Variants in TMEM266 observed in about 807,000 individuals in gnomAD.
TMEM266 encodes Hv1 related protein 1.
TMEM266 carries 33 observed loss-of-function variants against 50.5 expected under a neutral mutation model. That is an observed-to-expected ratio of 0.65 (90% CI 0.50 to 0.87). The LOEUF is 0.87. Among genes scored for constraint, TMEM266 ranks in the 40% least tolerant of loss-of-function variants. The pLI is 0.00. For missense variants in TMEM266, 655 were observed against 695.1 expected (o/e 0.94, Z 0.65); for synonymous variants, 310 against 292.3 (o/e 1.06, Z -0.62).
chr15:76,202,442 A>C (rs2038763471), intron 10 of TMEM266, among the ~76,000 whole-genome samples, 178 bp downstream of exon 10: 1 of 152,178 alleles, frequency 6.6e-6, no homozygotes, highest in Non-Finnish European at 1.5e-5. Flanking sequence ...CCAGCACTGG[A>C]GCTGGGGGTC....
chr15:76,197,724 C>T (rs890278918), intron 9 of TMEM266, among the ~76,000 whole-genome samples: 2 of 152,182 alleles, frequency 1.3e-5, no homozygotes, highest in South Asian at 4.1e-4. Context: ...AGAGCCTTGC[C>T]CTGGGCTTTG....
chr15:76,177,853 G>A (rs866879812), intron 8 of TMEM266, among the ~76,000 whole-genome samples: 5 of 152,374 alleles, frequency 3.3e-5, no homozygotes, highest in Middle Eastern at 3.4e-3. Flanking sequence ...GTGACTCAGG[G>A]GGTTTGGCAG....
At chr15:76,088,981 C>A (rs2036811621) in intron 1 of TMEM266, among the ~76,000 whole-genome samples, 1 of 147,358 alleles carries the variant, frequency 6.8e-6, no homozygotes, top group Non-Finnish European at 1.5e-5. Context: ...GTTACTCCAG[C>A]TATTCAGGTA....
At chr15:76,171,764 T>C (rs1339364735) in intron 7 of TMEM266, among the ~76,000 whole-genome samples, 1 of 152,196 alleles carries the variant, frequency 6.6e-6, no homozygotes, top group African/African-American at 2.4e-5. Flanking sequence ...TGTCATTGCT[T>C]TATCATTGCC....
intron 8 of TMEM266, among the ~76,000 whole-genome samples, chr15:76,179,976 A>G (rs2038373483): frequency 6.6e-6 from 1 of 152,004 alleles, no homozygotes; most frequent in Non-Finnish European, 1.5e-5. Context: ...ACAAAACAAA[A>G]CAAAACGCTT....
At chr15:76,193,171 T>A (rs2038607587) in intron 9 of TMEM266, among the ~76,000 whole-genome samples, 1 of 152,210 alleles carries the variant, frequency 6.6e-6, no homozygotes, top group African/African-American at 2.4e-5. Flanking sequence ...AACCGATGGG[T>A]GTGAGAAAGC....
chr15:76,074,266 T>C (rs1394345688), intron 1 of TMEM266, among the ~76,000 whole-genome samples: 1 of 152,126 alleles, frequency 6.6e-6, no homozygotes, highest in African/African-American at 2.4e-5. Flanking sequence ...TCATTTTTAA[T>C]TGTGGTAAAA....
intron 7 of TMEM266, among the ~76,000 whole-genome samples, chr15:76,172,733 A>G (rs770813284): frequency 1.3e-5 from 2 of 152,214 alleles, no homozygotes; most frequent in Non-Finnish European, 2.9e-5. Context: ...GATGAGGGTC[A>G]CATAGTGAAT....
chr15:76,188,094 G>A (rs965008654), intron 8 of TMEM266, among the ~76,000 whole-genome samples: 2 of 140,476 alleles, frequency 1.4e-5, no homozygotes, highest in African/African-American at 5.2e-5. Flanking sequence ...CCCCCACCCC[G>A]CCCCACTGGA....
At chr15:76,119,488 C>T (rs1006776920) in intron 1 of TMEM266, among the ~76,000 whole-genome samples, 9 of 151,788 alleles carry the variant, frequency 5.9e-5, no homozygotes, top group Admixed American at 1.3e-4. Flanking sequence ...TGACGGGAGC[C>T]GGGCGCGGTG....
rs1219497543 is a variant in TMEM266 at position 76,137,736 on chromosome 15, T to C, written c.68T>C (p.Val23Ala). ...GCCATAGAAGGAGGAATTTCTGAAGTTGAGATCATCTCCCAACAAGTAGAC... is the reference window on the plus strand; with the variant it reads ...GCCATAGAAGGAGGAATTTCTGAAGCTGAGATCATCTCCCAACAAGTAGAC... Residue 23 changes from valine to alanine, a missense_variant, in exon 3 of 11, where the codon GTT becomes GCT. This residue lies in a region of TMEM266 where 99 missense variants were observed against 110.8 expected (regional missense o/e 0.89). Coordinates refer to ENST00000388942, the MANE Select transcript of TMEM266 (RefSeq NM_152335.3). 1 of 1,614,052 alleles carries C rather than the reference T, an allele frequency of 6.2e-7. No homozygotes were observed. The highest frequency in any genetic ancestry group is 8.5e-7 in the Non-Finnish European group (1 of 1,180,030).
intron 1 of TMEM266, among the ~76,000 whole-genome samples, chr15:76,089,115 G>A (rs1202600461): frequency 6.0e-4 from 60 of 99,434 alleles, no homozygotes; most frequent in African/African-American, 2.0e-3. Flanking sequence ...AAAAAAAAAA[G>A]AGGAAAAAGA....
chr15:76,134,078 A>G, intron 1 of TMEM266, 90 bp from the exon 2 acceptor site: 1 of 540,116 alleles, frequency 1.9e-6, no homozygotes, highest in Admixed American at 3.4e-5. Flanking sequence ...GCTAGATGGA[A>G]GAAAGTTCTA....
intron 1 of TMEM266, among the ~76,000 whole-genome samples, chr15:76,122,887 A>G (rs1456806614): frequency 1.3e-5 from 2 of 152,178 alleles, no homozygotes; most frequent in Non-Finnish European, 2.9e-5. Flanking sequence ...TAAAGTGGAA[A>G]AAAGATATTG....
In TMEM266 at chr15:76,067,515, T is replaced by C. The variant is rs181543048; in HGVS notation, c.-97+7499T>C. 6.8e-3 allele frequency among the ~76,000 whole-genome samples: 1,034 copies of C among 151,604 alleles called. 16 individuals are homozygous for C. The highest frequency in any genetic ancestry group is 0.024 in the African/African-American group (983 of 41,326). On this transcript the variant is annotated intron_variant, in intron 1 of 10. Transcript: ENST00000388942. ...AAAAATTAACTGGTGTGGTGGCACA[T>C]GCCTGTACTCGGGAGGCTGAGGCAG... is the stretch of plus-strand genomic sequence containing the variant.
chr15:76,119,548 C>G (rs969614370), intron 1 of TMEM266, among the ~76,000 whole-genome samples: 1 of 152,076 alleles, frequency 6.6e-6, no homozygotes, highest in Admixed American at 6.6e-5. Flanking sequence ...GGGCGGATCA[C>G]TTGAGATCAG....
At chr15:76,118,948 G>A (rs2037293971) in intron 1 of TMEM266, among the ~76,000 whole-genome samples, 1 of 152,184 alleles carries the variant, frequency 6.6e-6, no homozygotes, top group Admixed American at 6.5e-5. Context: ...CCTACCTGGT[G>A]CCAAGGGGCG....
Position 76,160,303 on chromosome 15 carries a change from A to G in TMEM266, c.456+135A>G, listed in dbSNP as rs928529977. On this transcript the variant is annotated intron_variant, in intron 5 of 10. Coordinates refer to ENST00000388942, the MANE Select transcript of TMEM266 (RefSeq NM_152335.3). The surrounding 1 kb of genome is among the most constrained non-coding windows in gnomAD (Gnocchi z 5.7). ...CTTGAGGCTGCTGGGAGGGAGACAC[A>G]ATATAGATAGATGATCTCTGCGGGG... The G allele has an allele frequency of 2.6e-5, 23 of 899,616 alleles. No homozygotes were observed. The African/African-American group carries it at 2.6e-4, about 10-fold the overall frequency. The allele number at this position is 899,616 out of a possible 1,614,324, so 55.7% of individuals were successfully genotyped here.
At chr15:76,196,675 C>G (rs1203570829) in intron 9 of TMEM266, among the ~76,000 whole-genome samples, 1 of 151,906 alleles carries the variant, frequency 6.6e-6, no homozygotes, top group African/African-American at 2.4e-5. Flanking sequence ...CTGTGAGTCA[C>G]AGAGCCTCGG....
Sources: allele counts gnomAD v4.1 joint callset (sites outside exome capture counted in the v4.1 genomes callset), GRCh38; gene constraint gnomAD v4.1.1; regional missense constraint gnomAD v4.1.1; non-coding constraint Gnocchi (gnomAD v3.1); transcripts MANE v1.5; gene names NCBI Gene and HGNC (gene_info 2026-07-23, HGNC 2026-07-21).